The following SGCZ variants were observed in gnomAD, a reference collection of about 807,000 sequenced individuals.
SGCZ encodes the protein sarcoglycan zeta, also known as zeta-sarcoglycan.
SGCZ carries 40 observed loss-of-function variants against 41.3 expected under a neutral mutation model. That is an observed-to-expected ratio of 0.97 (90% CI 0.75 to 1.26). The LOEUF (loss-of-function observed/expected upper bound fraction) is 1.26. Among genes scored for constraint, SGCZ ranks in the 50% most tolerant of loss-of-function variants. The probability of loss-of-function intolerance (pLI) is 0.00; values close to 1 mark genes in which losing one functional copy is unlikely to be tolerated. For synonymous variants in SGCZ, 206 were observed against 137.5 expected (o/e 1.50, Z -3.49); for missense variants, 552 against 369.8 (o/e 1.49, Z -4.04).
At chr8:15,021,825 G>T (rs903830811) in intron 1 of SGCZ, among the ~76,000 whole-genome samples, 2 of 152,086 alleles carry the variant, frequency 1.3e-5, no homozygotes, top group South Asian at 4.1e-4. Flanking sequence ...TAGCATTGAT[G>T]TCTCTGACCT....
chr8:15,008,389 TAGA>T (rs1802683285), intron 1 of SGCZ, among the ~76,000 whole-genome samples: 2 of 151,414 alleles, frequency 1.3e-5, no homozygotes, highest in Admixed American at 6.6e-5. Flanking sequence ...GAAATGTTAA[TAGA>T]AGGACAGTAG....
intron 7 of SGCZ, among the ~76,000 whole-genome samples, chr8:14,100,565 T>TAC (rs1801986410): frequency 7.4e-6 from 1 of 134,982 alleles, no homozygotes; most frequent in Non-Finnish European, 1.6e-5. Flanking sequence ...ATATATTATA[T>TAC]ATTAATATAT....
At chr8:14,690,519 A>T (rs999661209) in intron 1 of SGCZ, 1 of 152,184 alleles carries the variant, frequency 6.6e-6, no homozygotes, top group Non-Finnish European at 1.5e-5. Flanking sequence ...CAGCAAGGCC[A>T]AAAGGGGTGT....
chr8:14,410,852 T>C (rs769172572), intron 2 of SGCZ, among the ~76,000 whole-genome samples: 9 of 152,142 alleles, frequency 5.9e-5, no homozygotes, highest in Non-Finnish European at 1.0e-4. Context: ...CCACTCTTCT[T>C]TTCAAATGGA....
chr8:14,458,209 A>G (rs78502930), intron 2 of SGCZ, among the ~76,000 whole-genome samples: 6,927 of 152,292 alleles, frequency 0.045, 495 homozygotes, highest in African/African-American at 0.16. Context: ...GGAATAAAAA[A>G]TTAAATACAA....
At chr8:14,105,824 G>T (rs1049892403) in intron 6 of SGCZ, among the ~76,000 whole-genome samples, 1 of 151,672 alleles carries the variant, frequency 6.6e-6, no homozygotes, top group East Asian at 1.9e-4. Context: ...ATACCAGTTG[G>T]TTCTTATTCC....
intron 1 of SGCZ, among the ~76,000 whole-genome samples, chr8:14,921,023 G>C (rs933157744): frequency 9.2e-5 from 14 of 152,162 alleles, no homozygotes; most frequent in Non-Finnish European, 2.9e-5. Flanking sequence ...ATATCCAATA[G>C]TGTTGGATTT....
chr8:14,983,881 A>G (rs1474830127), intron 1 of SGCZ, among the ~76,000 whole-genome samples: 1 of 152,166 alleles, frequency 6.6e-6, no homozygotes, highest in Non-Finnish European at 1.5e-5. Flanking sequence ...ACCTTTATAT[A>G]TTCAACTATA....
intron 4 of SGCZ, among the ~76,000 whole-genome samples, chr8:14,209,485 G>A (rs534529165): frequency 6.6e-6 from 1 of 152,000 alleles, no homozygotes; most frequent in Non-Finnish European, 1.5e-5. Context: ...TTACAGATCA[G>A]GAGTGTGGAA....
At chr8:14,764,024 G>A (rs576324399) in intron 1 of SGCZ, among the ~76,000 whole-genome samples, 1 of 152,182 alleles carries the variant, frequency 6.6e-6, no homozygotes, top group African/African-American at 2.4e-5. Flanking sequence ...GTTCCTTGGA[G>A]AAATGGCTGA....
At chr8:14,856,438 A>G (rs1803547793) in intron 1 of SGCZ, among the ~76,000 whole-genome samples, 1 of 152,168 alleles carries the variant, frequency 6.6e-6, no homozygotes, top group Non-Finnish European at 1.5e-5. Context: ...ACTATCACAT[A>G]TTCAAACTAT....
At chr8:14,465,266 T>C (rs1374178448) in intron 2 of SGCZ, among the ~76,000 whole-genome samples, 1 of 151,750 alleles carries the variant, frequency 6.6e-6, no homozygotes, top group East Asian at 1.9e-4. Context: ...TACATAAATG[T>C]TTATAGTTAT....
At chr8:14,389,476 G>GA (rs34141720) in intron 2 of SGCZ, among the ~76,000 whole-genome samples, 17,625 of 131,816 alleles carry the variant, frequency 0.13, 1,526 homozygotes, top group African/African-American at 0.26. Context: ...AACCTGACAG[G>GA]AAAAAAAAAA....
At chr8:14,905,279 A>C (rs561488198) in intron 1 of SGCZ, among the ~76,000 whole-genome samples, 1 of 152,192 alleles carries the variant, frequency 6.6e-6, no homozygotes, top group African/African-American at 2.4e-5. Context: ...GCTATAAAGA[A>C]TGAACAAAGG....
At chr8:15,181,449 CTT>C (rs1169939652) in intron 1 of SGCZ, among the ~76,000 whole-genome samples, 3 of 152,122 alleles carry the variant, frequency 2.0e-5, no homozygotes, top group Non-Finnish European at 4.4e-5. Flanking sequence ...ATTGAGAAGT[CTT>C]TTCAACGTTT....
chr8:14,697,498 A>C (rs1384617870), intron 1 of SGCZ, among the ~76,000 whole-genome samples: 2 of 152,006 alleles, frequency 1.3e-5, no homozygotes, highest in Non-Finnish European at 2.9e-5. Flanking sequence ...ACACACACAA[A>C]AGGTGCAATC....
intron 1 of SGCZ, among the ~76,000 whole-genome samples, chr8:14,693,563 C>A (rs1433014363): frequency 3.0e-5 from 4 of 135,034 alleles, no homozygotes; most frequent in African/African-American, 1.1e-4. Context: ...GGATTACAGG[C>A]GTCAGCTACC....
Position 15,119,546 on chromosome 8 carries a change from A to G in SGCZ, c.39+118039T>C, listed in dbSNP as rs115228882. Reference sequence around the variant, plus strand: ...ACCCTGTCTCAAAAAGAAAAGAAAAAAAAAAACCCTCCTAATTTTCTATTA... The same window carrying G: ...ACCCTGTCTCAAAAAGAAAAGAAAAGAAAAAACCCTCCTAATTTTCTATTA... On this transcript the variant is annotated intron_variant, in intron 1 of 7. Transcript: ENST00000382080. Among the ~76,000 whole-genome samples, 703 of 141,972 alleles carry G rather than the reference A, an allele frequency of 5.0e-3. 11 individuals are homozygous for G. Among genetic ancestry groups the G allele is most frequent in the African/African-American group, 0.021 (673 of 32,052 alleles). The allele number at this position is 141,972 out of a possible 152,430, so 93.1% of individuals were successfully genotyped here.
intron 1 of SGCZ, among the ~76,000 whole-genome samples, chr8:15,028,890 T>C (rs1803554433): frequency 6.6e-6 from 1 of 152,222 alleles, no homozygotes; most frequent in South Asian, 2.1e-4. Context: ...TTAGAATATA[T>C]TCAAGATAAT....
Sources: gnomAD v4.1 joint callset for allele counts (sites outside exome capture counted in the v4.1 genomes callset) on GRCh38, gnomAD v4.1.1 for gene constraint, MANE v1.5 for transcripts, NCBI Gene and HGNC (gene_info 2026-07-23, HGNC 2026-07-21) for gene names.